The following CTNNA2 variants were observed in gnomAD, a reference collection of about 807,000 sequenced individuals.
The protein encoded by CTNNA2 is catenin alpha 2.
A neutral mutation model predicts 101.0 loss-of-function variants in CTNNA2; 42 were observed. The observed-to-expected ratio is 0.42, with a 90% CI of 0.32 to 0.54. CTNNA2 has a LOEUF of 0.54. CTNNA2 is among the 20% of genes least tolerant of loss of function. The pLI is 0.14. For missense variants in CTNNA2, 871 were observed against 1,223.1 expected, an observed-to-expected ratio of 0.71 and a Z score of 4.29; for synonymous variants, 450 against 456.4, an observed-to-expected ratio of 0.99 and a Z score of 0.18.
chr2:80,559,469 T>C (rs552116559), intron 12 of CTNNA2, among the ~76,000 whole-genome samples: 8 of 152,272 alleles, frequency 5.3e-5, no homozygotes, highest in African/African-American at 1.7e-4. Flanking sequence ...TGATAACACA[T>C]CTGTGGTTTA....
At chr2:79,226,409 A>T (rs897302474) in intron 2 of CTNNA2, among the ~76,000 whole-genome samples, 2 of 152,098 alleles carry the variant, frequency 1.3e-5, no homozygotes, top group African/African-American at 4.8e-5. Context: ...AGTGCTTAGC[A>T]CAGTCCCTGG....
At chr2:80,391,280 T>C (rs13396392) in intron 7 of CTNNA2, among the ~76,000 whole-genome samples, 42,701 of 151,952 alleles carry the variant, frequency 0.28, 9,984 homozygotes, top group African/African-American at 0.65. Context: ...CCCATTTGAT[T>C]CTCATTCTTC....
At chr2:80,567,311 A>G (rs1377364177) in intron 12 of CTNNA2, among the ~76,000 whole-genome samples, 2 of 152,166 alleles carry the variant, frequency 1.3e-5, no homozygotes, top group East Asian at 1.9e-4. Context: ...AAGTGGAACT[A>G]AAGGGAGAGA....
chr2:79,985,203 C>T (rs116708278), intron 7 of CTNNA2, among the ~76,000 whole-genome samples: 17 of 152,116 alleles, frequency 1.1e-4, no homozygotes, highest in African/African-American at 3.4e-4. Flanking sequence ...TCTGACCCCC[C>T]GTAGATAACT....
At chr2:80,517,495 C>T (rs560247827) in intron 9 of CTNNA2, among the ~76,000 whole-genome samples, 1 of 152,248 alleles carries the variant, frequency 6.6e-6, no homozygotes, top group South Asian at 2.1e-4. Context: ...TTCTGCTGGC[C>T]CCAGTCCTTG....
intron 6 of CTNNA2, among the ~76,000 whole-genome samples, chr2:79,889,881 A>G (rs1241842947): frequency 6.6e-6 from 1 of 152,200 alleles, no homozygotes; most frequent in Non-Finnish European, 1.5e-5. Context: ...ACCCTAATGC[A>G]TAACAGACTC....
chr2:79,588,587 G>A (rs1286747688), intron 1 of CTNNA2, among the ~76,000 whole-genome samples: 1 of 151,678 alleles, frequency 6.6e-6, no homozygotes, highest in East Asian at 1.9e-4. Context: ...CTTATAGAAT[G>A]GAAAAAAATA....
At chr2:79,755,153 C>A (rs993534014) in intron 3 of CTNNA2, among the ~76,000 whole-genome samples, 1 of 151,928 alleles carries the variant, frequency 6.6e-6, no homozygotes, top group African/African-American at 2.4e-5. Context: ...AGCAAGACCC[C>A]CATCTCTACA....
At chr2:80,417,139 AAATTTTT>A (rs1216428679) in intron 8 of CTNNA2, among the ~76,000 whole-genome samples, 1 of 151,850 alleles carries the variant, frequency 6.6e-6, no homozygotes, top group Non-Finnish European at 1.5e-5. Context: ...GTTTAATTTT[AAATTTTT>A]AATTTTTCAT....
chr2:79,669,570 G>C (rs114652118), intron 2 of CTNNA2, among the ~76,000 whole-genome samples: 4,121 of 152,276 alleles, frequency 0.027, 86 homozygotes, highest in Middle Eastern at 0.051. Context: ...TTGTCCAGTC[G>C]AGTGTTCAGC....
intron 7 of CTNNA2, among the ~76,000 whole-genome samples, chr2:80,375,562 C>CT (rs199662476): frequency 0.052 from 5,503 of 105,496 alleles, 367 homozygotes; most frequent in African/African-American, 0.082. Context: ...TTTCTGGCTT[C>CT]TTTTTTTTTT....
rs916384376 is a variant in CTNNA2, at chr2:79,845,273, A to G, written c.299-12740A>G. 4.7e-5 allele frequency among the ~76,000 whole-genome samples: 7 copies of G among 150,308 alleles called. No homozygotes were observed. In the Admixed American group the frequency reaches 4.7e-4, roughly 10 times the overall value. On this transcript the variant is annotated intron_variant, in intron 3 of 18. Transcript: ENST00000402739. ...TCTTGTTAGTGGGTCTTTCAGAACC[A>G]TCAAGCTGGAAGTAAGTAGGGCAGA... is the stretch of plus-strand genomic sequence containing the variant.
chr2:80,324,607 T>G (rs1485488651), intron 7 of CTNNA2, among the ~76,000 whole-genome samples: 1 of 152,198 alleles, frequency 6.6e-6, no homozygotes, highest in Non-Finnish European at 1.5e-5. Flanking sequence ...TGGGGGAGAC[T>G]GATTTACATG....
intron 3 of CTNNA2, among the ~76,000 whole-genome samples, chr2:79,320,776 C>T (rs1265349202): frequency 1.3e-5 from 2 of 152,104 alleles, no homozygotes; most frequent in Non-Finnish European, 2.9e-5. Flanking sequence ...GATGAAAGAG[C>T]ACCAGCCTGA....
At chr2:80,461,050 A>G (rs1684381744) in intron 9 of CTNNA2, among the ~76,000 whole-genome samples, 1 of 152,222 alleles carries the variant, frequency 6.6e-6, no homozygotes, top group African/African-American at 2.4e-5. Flanking sequence ...GAGATACAGC[A>G]TGAATTTTTC....
chr2:79,820,447 G>A (rs1677911327), intron 3 of CTNNA2, among the ~76,000 whole-genome samples: 1 of 152,204 alleles, frequency 6.6e-6, no homozygotes, highest in African/African-American at 2.4e-5. Flanking sequence ...ACAGATGGAA[G>A]CTGTAGATTT....
intron 9 of CTNNA2, among the ~76,000 whole-genome samples, chr2:80,420,744 A>G (rs1573998372): frequency 6.6e-6 from 1 of 152,094 alleles, no homozygotes; most frequent in Admixed American, 6.5e-5. Flanking sequence ...GGCTGAAGTC[A>G]CCCAGCCAAC....
intron 4 of CTNNA2, among the ~76,000 whole-genome samples, chr2:79,415,820 C>G (rs1166725815): frequency 6.6e-6 from 1 of 151,954 alleles, no homozygotes; most frequent in Non-Finnish European, 1.5e-5. Flanking sequence ...TCTGTTCTTA[C>G]CTTTTGTAGG....
intron 3 of CTNNA2, among the ~76,000 whole-genome samples, chr2:79,809,134 G>A (rs186448503): frequency 1.1e-3 from 175 of 152,254 alleles, no homozygotes; most frequent in African/African-American, 4.1e-3. Flanking sequence ...CTTTTATATG[G>A]CTGCATGGTA....
Sources: gnomAD v4.1 joint callset for allele counts (sites outside exome capture counted in the v4.1 genomes callset) on GRCh38, gnomAD v4.1.1 for gene constraint, MANE v1.5 for transcripts, NCBI Gene and HGNC (gene_info 2026-07-23, HGNC 2026-07-21) for gene names.